DESI2: variants seen among roughly 807,000 people sequenced by gnomAD.
DESI2 encodes deubiquitinase DESI2.
DESI2 carries 10 observed loss-of-function variants against 24.1 expected under a neutral mutation model. That is an observed-to-expected ratio of 0.41 (90% CI 0.26 to 0.70). The LOEUF is 0.70. Ranked by LOEUF, DESI2 falls within the 30% of genes least tolerant of loss-of-function variation. The probability of loss-of-function intolerance (pLI) is 0.29; values close to 1 mark genes in which losing one functional copy is unlikely to be tolerated. For missense variants in DESI2, 122 were observed against 234.9 expected (o/e 0.52, Z 3.14); for synonymous variants, 71 against 87.7 (o/e 0.81, Z 1.06).
chr1:244,672,673 C>T (rs1043981348), intron 1 of DESI2, among the ~76,000 whole-genome samples: 1 of 151,946 alleles, frequency 6.6e-6, no homozygotes, highest in Non-Finnish European at 1.5e-5. Flanking sequence ...GGTCAGGAGT[C>T]CGAGACCAGC....
chr1:244,701,910 G>C (rs377216757), intron 4 of DESI2, among the ~76,000 whole-genome samples: 6 of 152,230 alleles, frequency 3.9e-5, no homozygotes, highest in Admixed American at 6.5e-5. Context: ...GTTACAAAAA[G>C]TGTTGTAATG....
At chr1:244,679,868 C>CA (rs10543739) in intron 1 of DESI2, among the ~76,000 whole-genome samples, 105 of 80,628 alleles carry the variant, frequency 1.3e-3, no homozygotes, top group African/African-American at 4.4e-3. Context: ...GACTCTATCT[C>CA]AAAAAAAAAA....
intron 1 of DESI2, among the ~76,000 whole-genome samples, chr1:244,682,529 G>T (rs887343308): frequency 6.6e-6 from 1 of 152,158 alleles, no homozygotes; most frequent in East Asian, 1.9e-4. Context: ...ACCTCTGGTA[G>T]GTAACTATTT....
chr1:244,667,559 C>T (rs1198031342), intron 1 of DESI2, among the ~76,000 whole-genome samples: 1 of 152,174 alleles, frequency 6.6e-6, no homozygotes, highest in Non-Finnish European at 1.5e-5. Flanking sequence ...AACTAACTTT[C>T]CCAAGGCCAC....
At chr1:244,690,589 C>T (rs1308774484) in intron 3 of DESI2, among the ~76,000 whole-genome samples, 1 of 151,828 alleles carries the variant, frequency 6.6e-6, no homozygotes, top group African/African-American at 2.4e-5. Flanking sequence ...CCTGTAATCC[C>T]AGCTACTCGG....
intron 1 of DESI2, among the ~76,000 whole-genome samples, chr1:244,669,665 C>T (rs547947718): frequency 2.0e-5 from 3 of 152,018 alleles, no homozygotes; most frequent in African/African-American, 4.8e-5. Flanking sequence ...ACAACAGGAG[C>T]GAAACTCCAT....
At chr1:244,705,123 T>G (rs1677644160) in intron 4 of DESI2, among the ~76,000 whole-genome samples, 1 of 151,374 alleles carries the variant, frequency 6.6e-6, no homozygotes, top group Admixed American at 6.6e-5. Flanking sequence ...AAAAAGAATC[T>G]GTGAAAAAGA....
chr1:244,676,853 A>C (rs1317243293), intron 1 of DESI2, among the ~76,000 whole-genome samples: 1 of 147,796 alleles, frequency 6.8e-6, no homozygotes, highest in Non-Finnish European at 1.5e-5. Flanking sequence ...GATTTTGTCC[A>C]GTGCTTTTCT....
chr1:244,703,958 C>T (rs1372815680), intron 4 of DESI2, among the ~76,000 whole-genome samples: 4 of 151,996 alleles, frequency 2.6e-5, no homozygotes, highest in Non-Finnish European at 5.9e-5. Context: ...CGCGCTGGGC[C>T]GAAATATTTT....
chr1:244,672,750 G>A (rs922042987), intron 1 of DESI2, among the ~76,000 whole-genome samples: 1 of 152,038 alleles, frequency 6.6e-6, no homozygotes, highest in African/African-American at 2.4e-5. Context: ...GGTGGCATAT[G>A]CCTGTAATCC....
chr1:244,683,994 C>G (rs1167658536), intron 1 of DESI2, among the ~76,000 whole-genome samples: 1 of 151,954 alleles, frequency 6.6e-6, no homozygotes, highest in Admixed American at 6.6e-5. Context: ...TGTGAGCCAC[C>G]ACACTGAGCC....
chr1:244,654,091 C>T, intron 1 of DESI2: 1 of 461,998 alleles, frequency 2.2e-6, no homozygotes, highest in Non-Finnish European at 4.5e-6. Context: ...TATCATCTAA[C>T]TTTGGAGTAT....
At position 244,683,603 on chromosome 1, in the gene DESI2, G is replaced by A. The variant is rs150326165; in HGVS notation, c.43-2994G>A. ...TGGGATTACAGGCGTGAGCCACCGCGCCCAGCCTTTTGCCATATATTACTT... is the reference window on the plus strand; with the variant it reads ...TGGGATTACAGGCGTGAGCCACCGCACCCAGCCTTTTGCCATATATTACTT... On this transcript the variant is annotated intron_variant, in intron 1 of 4. Coordinates refer to ENST00000302550, the MANE Select transcript of DESI2 (RefSeq NM_016076.5). Among the ~76,000 whole-genome samples the A allele has an allele frequency of 4.6e-3, 704 of 151,882 alleles. 4 individuals are homozygous for A. Among genetic ancestry groups the A allele is most frequent in the East Asian group, 0.019 (99 of 5,140 alleles).
chr1:244,674,321 CTTTT>C (rs35687515), intron 1 of DESI2, among the ~76,000 whole-genome samples: 1 of 147,492 alleles, frequency 6.8e-6, no homozygotes, highest in African/African-American at 2.5e-5. Context: ...TCATAACGGT[CTTTT>C]TTTTTTTTAA....
chr1:244,694,002 G>C (rs1677119809), intron 4 of DESI2, among the ~76,000 whole-genome samples: 1 of 152,218 alleles, frequency 6.6e-6, no homozygotes, highest in South Asian at 2.1e-4. Flanking sequence ...ATGAAGTTTA[G>C]TAAAACTGGT....
At position 244,671,392 on chromosome 1, in the gene DESI2, G is replaced by A. The variant is rs144685683; in HGVS notation, c.43-15205G>A. On this transcript the variant is annotated intron_variant, in intron 1 of 4. Transcript: ENST00000302550. Reference sequence around the variant, plus strand: ...TGTGCTAACCTTTTTCTGCAAGGCCGGCCCCCAGTGTCATTATATGTAACT... The same window carrying A: ...TGTGCTAACCTTTTTCTGCAAGGCCAGCCCCCAGTGTCATTATATGTAACT... 4.3e-3 allele frequency among the ~76,000 whole-genome samples: 649 copies of A among 152,140 alleles called. 2 individuals carry two copies. The highest frequency in any genetic ancestry group is 0.014 in the African/African-American group (589 of 41,500).
intron 1 of DESI2, among the ~76,000 whole-genome samples, chr1:244,676,367 G>A (rs1318785793): frequency 1.3e-5 from 2 of 151,992 alleles, no homozygotes; most frequent in Non-Finnish European, 2.9e-5. Flanking sequence ...GTGAGCCACC[G>A]CGCCTGGCCT....
At chr1:244,661,962 C>A (rs1018042003) in intron 1 of DESI2, among the ~76,000 whole-genome samples, 4 of 152,164 alleles carry the variant, frequency 2.6e-5, no homozygotes, top group African/African-American at 9.7e-5. Context: ...ATTTCTAGTT[C>A]TAGATCCCTG....
At chr1:244,699,475 G>T (rs1383178873) in intron 4 of DESI2, among the ~76,000 whole-genome samples, 1 of 150,072 alleles carries the variant, frequency 6.7e-6, no homozygotes, top group Non-Finnish European at 1.5e-5. Flanking sequence ...CCAGCTACTC[G>T]GGAGGCTGAG....
Sources: gnomAD v4.1 joint callset for allele counts (sites outside exome capture counted in the v4.1 genomes callset) on GRCh38, gnomAD v4.1.1 for gene constraint, MANE v1.5 for transcripts, NCBI Gene and HGNC (gene_info 2026-07-23, HGNC 2026-07-21) for gene names.